The following PLEKHA1 variants were observed in gnomAD, a reference collection of about 807,000 sequenced individuals.
PLEKHA1 encodes the protein pleckstrin homology domain containing A1.
In PLEKHA1, 34 loss-of-function variants were observed where a neutral mutation model predicts 52.0. The ratio of observed to expected loss-of-function variants is 0.65; its 90% CI spans 0.50 to 0.87. The LOEUF (loss-of-function observed/expected upper bound fraction) is 0.87, where lower values mean the gene tolerates loss of function less well. Among genes scored for constraint, PLEKHA1 ranks in the 40% least tolerant of loss-of-function variants. PLEKHA1 has a pLI of 0.00. For missense variants in PLEKHA1, 497 were observed against 504.2 expected, an observed-to-expected ratio of 0.99 and a Z score of 0.14; for synonymous variants, 163 against 170.7, an observed-to-expected ratio of 0.95 and a Z score of 0.35.
intron 11 of PLEKHA1, among the ~76,000 whole-genome samples, chr10:122,429,098 A>G (rs1458055926): frequency 6.6e-6 from 1 of 152,226 alleles, no homozygotes; most frequent in East Asian, 1.9e-4. Context: ...CAGGGAAGTA[A>G]AAACTAAGTC....
At chr10:122,418,021 A>G (rs974524748) in intron 8 of PLEKHA1, 53 bp downstream of exon 8, 56 of 1,381,322 alleles carry the variant, frequency 4.1e-5, no homozygotes, top group Non-Finnish European at 5.1e-5. Flanking sequence ...AAGTGTTGCA[A>G]TGTAGTGATT....
rs1344462061 is a variant in PLEKHA1 at position 122,430,570 on chromosome 10, G to C, written c.*632G>C. 1 of 152,512 alleles carries C rather than the reference G, an allele frequency of 6.6e-6. No individual in the cohort carries two copies. Among genetic ancestry groups the C allele is most frequent in the Admixed American group, 6.5e-5 (1 of 15,284 alleles). 9.4% of individuals were successfully genotyped at this position (152,512 alleles called of 1,614,324 possible). On this transcript the variant is annotated 3_prime_UTR_variant, in exon 12 of 12. Coordinates refer to ENST00000368990, the MANE Select transcript of PLEKHA1 (RefSeq NM_001001974.4). The stretch of plus-strand genomic sequence containing the variant: ...CGGCATAGAGAAAAGAAGAAAACTA[G>C]AATTGAAACAACTGTGTCTTAGACA...
At chr10:122,389,718 T>G (rs2096750127) in intron 1 of PLEKHA1, among the ~76,000 whole-genome samples, 1 of 152,096 alleles carries the variant, frequency 6.6e-6, no homozygotes, top group Admixed American at 6.5e-5. Flanking sequence ...AAAAAAAATT[T>G]TTTTTTCAGT....
At chr10:122,381,481 T>C (rs762769496) in intron 1 of PLEKHA1, among the ~76,000 whole-genome samples, 7 of 152,150 alleles carry the variant, frequency 4.6e-5, no homozygotes, top group Non-Finnish European at 1.0e-4. Flanking sequence ...GAGATCTGGT[T>C]GTTTAAAAGT....
chr10:122,395,215 T>C (rs371003320), intron 2 of PLEKHA1, among the ~76,000 whole-genome samples: 1 of 98,080 alleles, frequency 1.0e-5, no homozygotes, highest in African/African-American at 3.4e-5. Context: ...ACATAAACTT[T>C]TAAAATCCAG....
At chr10:122,404,815 A>G (rs1357044363) in intron 4 of PLEKHA1, among the ~76,000 whole-genome samples, 1 of 152,186 alleles carries the variant, frequency 6.6e-6, no homozygotes, top group African/African-American at 2.4e-5. Flanking sequence ...ATCTCAATTC[A>G]AGGAAGCTGT....
At chr10:122,425,852 T>C (rs548267761) in intron 10 of PLEKHA1, 3 of 152,308 alleles carry the variant, frequency 2.0e-5, no homozygotes, top group South Asian at 2.1e-4. Flanking sequence ...CAGTCCCACA[T>C]TGAGGCAACC....
At chr10:122,399,552 A>G (rs569390264) in intron 3 of PLEKHA1, among the ~76,000 whole-genome samples, 11 of 151,792 alleles carry the variant, frequency 7.2e-5, no homozygotes, top group African/African-American at 9.7e-5. Flanking sequence ...GATTAATTCA[A>G]TTAAATGCCT....
At chr10:122,384,060 T>G (rs1005429970) in intron 1 of PLEKHA1, among the ~76,000 whole-genome samples, 1 of 152,200 alleles carries the variant, frequency 6.6e-6, no homozygotes, top group Non-Finnish European at 1.5e-5. Flanking sequence ...CGGTATGGTT[T>G]TTTTGTATTT....
intron 1 of PLEKHA1, among the ~76,000 whole-genome samples, chr10:122,378,028 A>G (rs1359029143): frequency 2.0e-5 from 3 of 152,158 alleles, no homozygotes; most frequent in Non-Finnish European, 2.9e-5. Flanking sequence ...TATTCTCCAG[A>G]AAGTTGTGGT....
intron 5 of PLEKHA1, chr10:122,412,636 G>T: frequency 3.1e-6 from 1 of 320,990 alleles, no homozygotes; most frequent in Non-Finnish European, 5.8e-6. Context: ...CTCTTAGGTG[G>T]GGGTAGAGCC....
chr10:122,403,971 C>T (rs962007839), intron 4 of PLEKHA1, among the ~76,000 whole-genome samples: 5 of 152,158 alleles, frequency 3.3e-5, no homozygotes, highest in African/African-American at 9.7e-5. Flanking sequence ...GGATTACAGG[C>T]GTGAGCCACT....
At chr10:122,388,488 TTCTGAATA>T (rs2096731975) in intron 1 of PLEKHA1, among the ~76,000 whole-genome samples, 1 of 152,200 alleles carries the variant, frequency 6.6e-6, no homozygotes, top group African/African-American at 2.4e-5. Flanking sequence ...CTGTGTTCAA[TTCTGAATA>T]TCTGAATCTC....
intron 11 of PLEKHA1, chr10:122,428,360 C>T: frequency 6.5e-7 from 1 of 1,544,558 alleles, no homozygotes; most frequent in Non-Finnish European, 8.7e-7. Flanking sequence ...TGTGGGCTCT[C>T]ACGCAAACGT....
chr10:122,394,830 C>T (rs925340230), intron 2 of PLEKHA1, among the ~76,000 whole-genome samples: 1 of 152,164 alleles, frequency 6.6e-6, no homozygotes, highest in Non-Finnish European at 1.5e-5. Flanking sequence ...CTGAATTTTA[C>T]TTGAAGCTCC....
At chr10:122,436,293 A>G (rs752194377), downstream of PLEKHA1, 1 of 152,238 alleles carries the variant, frequency 6.6e-6, no homozygotes, top group Non-Finnish European at 1.5e-5. Context: ...TTCAAATGAC[A>G]TATTATTTAT....
At chr10:122,395,589 C>T (rs2134086095) in intron 2 of PLEKHA1, among the ~76,000 whole-genome samples, 1 of 151,768 alleles carries the variant, frequency 6.6e-6, no homozygotes, top group Non-Finnish European at 1.5e-5. Flanking sequence ...TTTTGAATTA[C>T]TAAAAAAATG....
intron 6 of PLEKHA1, 148 bp from the exon 7 acceptor site, chr10:122,415,711 G>T: frequency 1.4e-6 from 1 of 739,584 alleles, no homozygotes. Flanking sequence ...AAAATTAAGA[G>T]TAAGTATCTC....
At chr10:122,400,744 G>A (rs958867335) in intron 4 of PLEKHA1, among the ~76,000 whole-genome samples, 6 of 152,270 alleles carry the variant, frequency 3.9e-5, no homozygotes, top group Admixed American at 2.6e-4. Flanking sequence ...TTGGTCTTTA[G>A]CTTTTGGGTA....
Sources: gnomAD v4.1 joint callset for allele counts (sites outside exome capture counted in the v4.1 genomes callset) on GRCh38, gnomAD v4.1.1 for gene constraint, MANE v1.5 for transcripts, NCBI Gene and HGNC (gene_info 2026-07-23, HGNC 2026-07-21) for gene names.